Variants in LRRIQ1 observed in about 807,000 individuals in gnomAD.
LRRIQ1 encodes leucine rich repeats and IQ motif containing 1.
LRRIQ1 carries 210 observed loss-of-function variants against 211.9 expected under a neutral mutation model. The observed-to-expected ratio is 0.99, with a 90% CI of 0.89 to 1.11. The LOEUF (loss-of-function observed/expected upper bound fraction) is 1.11, where lower values mean the gene tolerates loss of function less well. Among genes scored for constraint, LRRIQ1 ranks in the 50% most tolerant of loss-of-function variants. The pLI is 0.00. For missense variants in LRRIQ1, 2,136 were observed against 1,939.5 expected (o/e 1.10, Z -1.90); for synonymous variants, 699 against 650.1 (o/e 1.08, Z -1.14).
chr12:85,102,959 A>AAAAAAAAATAT (rs1458673370), intron 13 of LRRIQ1, among the ~76,000 whole-genome samples: 1 of 108,500 alleles, frequency 9.2e-6, no homozygotes, highest in African/African-American at 4.2e-5. Flanking sequence ...AAAAAAAAAA[A>AAAAAAAAATAT]ATATATATAT....
chr12:85,069,006 T>G (rs963601620), intron 10 of LRRIQ1, among the ~76,000 whole-genome samples: 1 of 151,750 alleles, frequency 6.6e-6, no homozygotes, highest in African/African-American at 2.4e-5. Flanking sequence ...TTGTTACATA[T>G]GTATACATGT....
intron 1 of LRRIQ1, among the ~76,000 whole-genome samples, chr12:85,260,129 T>TTA (rs1555231664): frequency 0.019 from 2,187 of 115,586 alleles, 69 homozygotes; most frequent in African/African-American, 0.067. Flanking sequence ...TCATGTTGGT[T>TTA]AAAAAAAAAA....
At chr12:85,062,500 T>G (rs2136036097) in intron 8 of LRRIQ1, among the ~76,000 whole-genome samples, 1 of 151,952 alleles carries the variant, frequency 6.6e-6, no homozygotes, top group Middle Eastern at 3.4e-3. Flanking sequence ...GGTTTCCACT[T>G]GCAACCATGT....
chr12:85,165,704 G>A (rs915666993), intron 24 of LRRIQ1, among the ~76,000 whole-genome samples: 8 of 151,856 alleles, frequency 5.3e-5, no homozygotes, highest in African/African-American at 1.9e-4. Flanking sequence ...CCTGAGCTCA[G>A]GCAATCCACC....
At position 85,056,681 on chromosome 12, in the gene LRRIQ1, T is replaced by C; in HGVS notation, c.1888T>C (p.Leu630=). The C allele has an allele frequency of 6.2e-7, 1 of 1,605,512 alleles. No homozygotes were observed. The highest frequency in any genetic ancestry group is 8.5e-7 in the Non-Finnish European group (1 of 1,176,732). The change falls in exon 8 of 27, where the codon TTA becomes CTA. Residue 630 remains leucine, a synonymous_variant. Transcript: ENST00000393217. ...NSKDVRENVI[L]QEKEIYSKSK... ...CAAAGATGTAAGAGAAAACGTAATA[T>C]TACAAGAAAAAGAAATTTATTCAAA...
At chr12:85,036,835 C>T (rs1878168300) in intron 1 of LRRIQ1, among the ~76,000 whole-genome samples, 1 of 151,670 alleles carries the variant, frequency 6.6e-6, no homozygotes, top group African/African-American at 2.4e-5. Context: ...GGGGGAGTTC[C>T]TTAAGCTTTT....
Position 85,244,772 on chromosome 12 carries a change from T to C in LRRIQ1, c.5017-17T>C. The C allele has an allele frequency of 6.2e-7, 1 of 1,608,436 alleles. No homozygotes were observed. Among genetic ancestry groups the C allele is most frequent in the Middle Eastern group, 1.7e-4 (1 of 6,026 alleles). ...TTTTGTTTCATGATTGTATACATTC[T>C]CTTCCATTGCTCCCAGGCAAGACTT... On this transcript the variant is annotated splice_polypyrimidine_tract_variant and intron_variant, in intron 26 of 26. Transcript: ENST00000393217.
At chr12:85,181,804 G>A (rs1891993042) in intron 24 of LRRIQ1, among the ~76,000 whole-genome samples, 1 of 151,880 alleles carries the variant, frequency 6.6e-6, no homozygotes, top group South Asian at 2.1e-4. Context: ...GATGAAATGA[G>A]TACTTATTCT....
intron 19 of LRRIQ1, among the ~76,000 whole-genome samples, chr12:85,151,339 A>G (rs1262633471): frequency 6.6e-6 from 1 of 151,624 alleles, no homozygotes; most frequent in Non-Finnish European, 1.5e-5. Flanking sequence ...CTGCCTTTCC[A>G]ATGGTCTTTC....
chr12:85,049,657 G>A (rs1434322676), intron 6 of LRRIQ1, among the ~76,000 whole-genome samples: 1 of 152,128 alleles, frequency 6.6e-6, no homozygotes, highest in East Asian at 1.9e-4. Context: ...TTTAAAGGCT[G>A]TGTATGATAG....
chr12:85,068,739 T>G (rs1390082969), intron 10 of LRRIQ1, among the ~76,000 whole-genome samples: 1 of 151,220 alleles, frequency 6.6e-6, no homozygotes, highest in African/African-American at 2.4e-5. Flanking sequence ...TATATTACAT[T>G]TATCTAGGTC....
At chr12:85,140,288 G>A (rs1747757186) in intron 19 of LRRIQ1, among the ~76,000 whole-genome samples, 1 of 151,186 alleles carries the variant, frequency 6.6e-6, no homozygotes, top group African/African-American at 2.4e-5. Context: ...TCTTTCTGAT[G>A]TGTTAGTACT....
intron 7 of LRRIQ1, among the ~76,000 whole-genome samples, chr12:85,054,973 C>T (rs1880807640): frequency 6.6e-6 from 1 of 152,004 alleles, no homozygotes; most frequent in South Asian, 2.1e-4. Context: ...CTAAATATTT[C>T]ATTAAATGCA....
In LRRIQ1 at chr12:85,057,163, C is replaced by A; in HGVS notation, c.2370C>A (p.Gly790=). The part of the protein sequence containing the change: ...ALDKLEILRC[G]PWDTLQQVTT... The stretch of plus-strand genomic sequence containing the variant: ...ATAAACTGGAAATTCTTCGATGTGG[C>A]CCTTGGGATACTTTACAGCAGGTAT... Residue 790 remains glycine (G), a synonymous_variant, in exon 8 of 27, where the codon GGC becomes GGA. Transcript: ENST00000393217. 1 of 1,530,790 alleles carries A rather than the reference C, an allele frequency of 6.5e-7. No individual in the cohort carries two copies. The allele number at this position is 1,530,790 out of a possible 1,614,324, so 94.8% of individuals were successfully genotyped here.
intron 3 of LRRIQ1, among the ~76,000 whole-genome samples, 165 bp from the exon 4 acceptor site, chr12:85,044,553 C>G (rs1879295364): frequency 6.6e-6 from 1 of 151,946 alleles, no homozygotes; most frequent in Non-Finnish European, 1.5e-5. Context: ...CAGATTTCCT[C>G]TATTGTTTAT....
Position 85,236,830 on chromosome 12 carries a change from C to CATATATATATATATATCTATAT in LRRIQ1, c.5016+4090_5016+4091insCTATATATATATATATATATAT, listed in dbSNP as rs1555228693. On this transcript the variant is annotated intron_variant, in intron 26 of 26. Coordinates refer to ENST00000393217, the MANE Select transcript of LRRIQ1 (RefSeq NM_001079910.2). ...CTGGATATATGTATGTGTATGTGTG[C>CATATATATATATATATCTATAT]ATATATATATATATATATATATATA... Among the ~76,000 whole-genome samples the CATATATATATATATATCTATAT allele has an allele frequency of 3.7e-5, 4 of 108,802 alleles. No homozygotes were observed. The East Asian group carries it at 7.5e-4, about 20-fold the overall frequency. 71.4% of individuals were successfully genotyped at this position (108,802 alleles called of 152,430 possible).
rs62635804 is a variant in LRRIQ1 at position 85,153,735 on chromosome 12, A to G, written c.4614A>G (p.Lys1538=). The G allele has an allele frequency of 1.6e-4, 244 of 1,571,106 alleles. No individual in the cohort carries two copies. The highest frequency in any genetic ancestry group is 4.4e-4 in the Admixed American group (23 of 52,314). ...TSRKSLLKSE[K]EKKISEEWGF... Reference sequence around the variant, plus strand: ...GAAAGAGTTTGCTAAAATCTGAAAAAGAAAAAAAAATTTCAGAAGAATGGT... The same window carrying G: ...GAAAGAGTTTGCTAAAATCTGAAAAGGAAAAAAAAATTTCAGAAGAATGGT... Residue 1538 remains lysine, a synonymous_variant, in exon 22 of 27, where the codon AAA becomes AAG. Coordinates refer to ENST00000393217, the MANE Select transcript of LRRIQ1 (RefSeq NM_001079910.2).
At chr12:85,232,961 T>A (rs919885245) in intron 26 of LRRIQ1, 5 of 479,986 alleles carry the variant, frequency 1.0e-5, no homozygotes, top group Admixed American at 4.1e-5. Context: ...TTAAAAATGT[T>A]AATTTTATGT....
intron 4 of LRRIQ1, 33 bp downstream of exon 4, chr12:85,044,842 C>T (rs753925678): frequency 3.0e-6 from 3 of 987,450 alleles, no homozygotes; most frequent in African/African-American, 3.3e-5. Context: ...AAAATATTCA[C>T]TATTACAATT....
Sources: gnomAD v4.1 joint callset for allele counts (sites outside exome capture counted in the v4.1 genomes callset) on GRCh38, gnomAD v4.1.1 for gene constraint, MANE v1.5 for transcripts, NCBI Gene and HGNC (gene_info 2026-07-23, HGNC 2026-07-21) for gene names.